The following PRKN variants were observed in gnomAD, a reference collection of about 807,000 sequenced individuals.
PRKN encodes the protein parkin RBR E3 ubiquitin protein ligase, also known as E3 ubiquitin-protein ligase parkin.
In PRKN, 56 loss-of-function variants were observed where a neutral mutation model predicts 59.5. The ratio of observed to expected loss-of-function variants is 0.94; its 90% confidence interval spans 0.76 to 1.18. PRKN has a LOEUF of 1.18. PRKN is among the 50% of genes most tolerant of loss of function. The pLI, the probability that PRKN is intolerant of heterozygous loss-of-function variation, is 0.00. For synonymous variants in PRKN, 250 were observed against 222.1 expected (o/e 1.13, Z -1.12); for missense variants, 657 against 596.4 (o/e 1.10, Z -1.06).
chr6:162,242,766 T>G (rs1293536923), intron 3 of PRKN, among the ~76,000 whole-genome samples: 1 of 152,142 alleles, frequency 6.6e-6, no homozygotes, highest in African/African-American at 2.4e-5. Flanking sequence ...CAGCTCCTCT[T>G]TGCCCCAACA....
At chr6:161,775,303 C>T (rs1263475574) in intron 7 of PRKN, among the ~76,000 whole-genome samples, 3 of 151,846 alleles carry the variant, frequency 2.0e-5, no homozygotes, top group Non-Finnish European at 4.4e-5. Context: ...AGTGAAATGG[C>T]ACAATCATGG....
rs1452704251 is a variant in PRKN at position 162,011,489 on chromosome 6, T to TAAA, written c.619-38073_619-38072insTTT. ...TTATAATATATAATATATTATAATA[T>TAAA]ATATAATATATATTTATTATATATA... On this transcript the variant is annotated intron_variant, in intron 5 of 11. Transcript: ENST00000366898. 5.4e-5 allele frequency among the ~76,000 whole-genome samples: 2 copies of TAAA among 37,076 alleles called. 1 individual carries two copies. The highest frequency in any genetic ancestry group is 9.0e-5 in the Non-Finnish European group (2 of 22,166). The allele number at this position is 37,076 out of a possible 152,430, so 24.3% of individuals were successfully genotyped here.
intron 10 of PRKN, among the ~76,000 whole-genome samples, chr6:161,367,829 C>G (rs1399287797): frequency 2.0e-5 from 3 of 152,202 alleles, no homozygotes; most frequent in Non-Finnish European, 2.9e-5. Flanking sequence ...GGCAGGGGCT[C>G]TGCCCACATC....
At chr6:162,341,621 G>A (rs1784182855) in intron 2 of PRKN, among the ~76,000 whole-genome samples, 2 of 152,046 alleles carry the variant, frequency 1.3e-5, no homozygotes. Flanking sequence ...CATGGATGAA[G>A]GTGGAAACCA....
intron 5 of PRKN, among the ~76,000 whole-genome samples, chr6:162,039,605 A>G (rs1333945072): frequency 6.6e-6 from 1 of 152,196 alleles, no homozygotes; most frequent in African/African-American, 2.4e-5. Flanking sequence ...GCCCTCCCCC[A>G]GAAGCAGATG....
Position 161,391,509 on chromosome 6 carries a change from C to T in PRKN, c.1084-4632G>A, listed in dbSNP as rs976297482. On this transcript the variant is annotated intron_variant, in intron 9 of 11. Coordinates refer to ENST00000366898, the MANE Select transcript of PRKN (RefSeq NM_004562.3). This position sits in a 1 kb window ranked among gnomAD's most constrained non-coding sequence, Gnocchi z 4.9. Reference sequence around the variant, plus strand: ...AATACATACTTATTTCATTGGCTCTCTAAAGTCTATTCCCTTATAGATTTG... The same window carrying T: ...AATACATACTTATTTCATTGGCTCTTTAAAGTCTATTCCCTTATAGATTTG... Among the ~76,000 whole-genome samples the T allele has an allele frequency of 6.6e-6, 1 of 150,714 alleles. No individual in the cohort carries two copies. Among genetic ancestry groups the T allele is most frequent in the African/African-American group, 2.4e-5 (1 of 40,982 alleles).
rs1562393554 is a variant in PRKN at position 162,568,717 on chromosome 6, T to G, written c.8-125244A>C. The G allele has an allele frequency of 3.9e-6, 3 of 770,366 alleles. No individual in the cohort carries two copies. The African/African-American group carries it at 5.1e-5, about 13-fold the overall frequency. 47.7% of individuals were successfully genotyped at this position (770,366 alleles called of 1,614,324 possible). ...CAGCAGAAGATGGCTTGGAGCAACA[T>G]GGGCAACATGTTCAAGAGCTACATC... On this transcript the variant is annotated intron_variant, in intron 1 of 11. Transcript: ENST00000366898.
chr6:161,387,265 T>C (rs12191193), intron 9 of PRKN, among the ~76,000 whole-genome samples: 39,494 of 152,144 alleles, frequency 0.26, 5,228 homozygotes, highest in South Asian at 0.33. Context: ...GGATGATTTC[T>C]CCCATGCTAT....
At chr6:162,038,908 A>G (rs1328545816) in intron 5 of PRKN, among the ~76,000 whole-genome samples, 1 of 152,112 alleles carries the variant, frequency 6.6e-6, no homozygotes, top group African/African-American at 2.4e-5. Context: ...TAATCCCAAC[A>G]CTTTGGGAGG....
chr6:161,745,464 A>G (rs1287895323), intron 7 of PRKN, among the ~76,000 whole-genome samples: 1 of 152,212 alleles, frequency 6.6e-6, no homozygotes, highest in Admixed American at 6.5e-5. Context: ...AAAGCAGGAT[A>G]CAAAGTGTTC....
chr6:162,368,250 A>C (rs968164860), intron 2 of PRKN, among the ~76,000 whole-genome samples: 1 of 152,102 alleles, frequency 6.6e-6, no homozygotes, highest in Non-Finnish European at 1.5e-5. Context: ...CACAGGTAAG[A>C]GAGTGAGGGG....
intron 3 of PRKN, among the ~76,000 whole-genome samples, chr6:162,254,537 G>C (rs1338265023): frequency 2.0e-5 from 3 of 151,876 alleles, no homozygotes; most frequent in Non-Finnish European, 2.9e-5. Context: ...CACTGACCCT[G>C]ATCTGAAAAC....
intron 1 of PRKN, among the ~76,000 whole-genome samples, chr6:162,697,573 T>A (rs947934603): frequency 2.6e-5 from 4 of 152,240 alleles, no homozygotes; most frequent in Admixed American, 2.6e-4. Flanking sequence ...GCTGCCTTTT[T>A]TGGAGATTAT....
chr6:161,357,240 C>T lies in PRKN; in HGVS notation c.1285+2848G>A, dbSNP rs1222125177. ...CTAACTTTTCTATTTTTAGTGGAGA[C>T]GGGGTTTCGCCATGTTGGCCAGGCT... On this transcript the variant is annotated intron_variant, in intron 11 of 11. Transcript: ENST00000366898. The surrounding 1 kb of genome is among the most constrained non-coding windows in gnomAD (Gnocchi z 5.5). Among the ~76,000 whole-genome samples the T allele has an allele frequency of 2.0e-5, 3 of 152,038 alleles. No homozygotes were observed. The highest frequency in any genetic ancestry group is 2.9e-5 in the Non-Finnish European group (2 of 68,020).
intron 4 of PRKN, among the ~76,000 whole-genome samples, chr6:162,080,722 G>A (rs1779022273): frequency 6.6e-6 from 1 of 152,042 alleles, no homozygotes; most frequent in Non-Finnish European, 1.5e-5. Flanking sequence ...GAAAGCTGGG[G>A]TGGATGTGGC....
chr6:162,315,583 C>A (rs905962061), intron 2 of PRKN, among the ~76,000 whole-genome samples: 7 of 152,102 alleles, frequency 4.6e-5, no homozygotes, highest in Non-Finnish European at 1.0e-4. Flanking sequence ...CAGCCTTCAA[C>A]ATAGCAATGA....
At position 161,356,189 on chromosome 6, in the gene PRKN, C is replaced by A. The variant is rs1464866909; in HGVS notation, c.1285+3899G>T. Among the ~76,000 whole-genome samples, 1 of 152,196 alleles carries A rather than the reference C, an allele frequency of 6.6e-6. No individual in the cohort carries two copies. Among genetic ancestry groups the A allele is most frequent in the East Asian group, 1.9e-4 (1 of 5,182 alleles). ...GGGCTCAAGGCCATCCACAGGCAGG[C>A]CCCCTGCAGAGGGAATGGCAGTGCC... On this transcript the variant is annotated intron_variant, in intron 11 of 11. Transcript: ENST00000366898. The surrounding 1 kb of genome is among the most constrained non-coding windows in gnomAD (Gnocchi z 7.8).
chr6:162,286,013 C>T (rs557250632), intron 2 of PRKN, among the ~76,000 whole-genome samples: 40 of 152,218 alleles, frequency 2.6e-4, no homozygotes, highest in African/African-American at 9.4e-4. Flanking sequence ...ACCACACAAC[C>T]AAAGACTACA....
At chr6:162,168,848 G>A (rs894054355) in intron 4 of PRKN, among the ~76,000 whole-genome samples, 3 of 152,122 alleles carry the variant, frequency 2.0e-5, no homozygotes, top group Non-Finnish European at 2.9e-5. Flanking sequence ...CCATATAGGA[G>A]GGAATTGAAA....
Sources: allele counts gnomAD v4.1 joint callset (sites outside exome capture counted in the v4.1 genomes callset), GRCh38; gene constraint gnomAD v4.1.1; non-coding constraint Gnocchi (gnomAD v3.1); transcripts MANE v1.5; gene names NCBI Gene and HGNC (gene_info 2026-07-23, HGNC 2026-07-21).